The following UBE2L3 variants were observed in gnomAD, a reference collection of about 807,000 sequenced individuals.
UBE2L3 encodes ubiquitin conjugating enzyme E2 L3.
In UBE2L3, 1 loss-of-function variant was observed where a neutral mutation model predicts 17.8. The ratio of observed to expected loss-of-function variants is 0.06; its 90% CI spans 0.02 to 0.27. The LOEUF is 0.27. Among genes scored for constraint, UBE2L3 ranks in the 10% least tolerant of loss-of-function variants. UBE2L3 has a pLI of 1.00. For synonymous variants in UBE2L3, 44 were observed against 68.5 expected (o/e 0.64, Z 1.76); for missense variants, 40 against 192.6 (o/e 0.21, Z 4.69).
upstream of UBE2L3, among the ~76,000 whole-genome samples, chr22:21,563,770 T>C (rs1372796964): frequency 2.6e-5 from 4 of 151,238 alleles, no homozygotes; most frequent in African/African-American, 9.7e-5. Flanking sequence ...AGAGACGGCA[T>C]TTCACTATGT....
At chr22:21,580,190 A>G (rs995104082) in intron 1 of UBE2L3, among the ~76,000 whole-genome samples, 2 of 152,222 alleles carry the variant, frequency 1.3e-5, no homozygotes, top group Non-Finnish European at 2.9e-5. Context: ...TGGCTGAGAT[A>G]GTCAAAAAAG....
At chr22:21,556,003 G>A (rs1296312752) in intron 1 of UBE2L3, among the ~76,000 whole-genome samples, 1 of 152,244 alleles carries the variant, frequency 6.6e-6, no homozygotes, top group Non-Finnish European at 1.5e-5. Context: ...GGGAGGCGGG[G>A]ATGGGTGGAG....
In UBE2L3 at chr22:21,588,463, CTTTTTTTTTTT is replaced by C. The variant is rs1255043408; in HGVS notation, c.28-4386_28-4376del. Among the ~76,000 whole-genome samples, 414 of 103,332 alleles carry C rather than the reference CTTTTTTTTTTT, an allele frequency of 4.0e-3. 4 individuals are homozygous for C. The highest frequency in any genetic ancestry group is 0.016 in the African/African-American group (398 of 25,508). The allele number at this position is 103,332 out of a possible 152,430, so 67.8% of individuals were successfully genotyped here. ...TGAATGATTCCAATTTTTCTTCTTT[CTTTTTTTTTTT>C]TTTTTTTTTTTGAGATAGGGTCTCA... On this transcript the variant is annotated intron_variant, in intron 1 of 3. Coordinates refer to ENST00000342192, the MANE Select transcript of UBE2L3 (RefSeq NM_003347.4).
chr22:21,615,041 GCTAC>G (rs1405427868), intron 3 of UBE2L3, among the ~76,000 whole-genome samples: 65 of 152,242 alleles, frequency 4.3e-4, no homozygotes, highest in African/African-American at 1.5e-3. Flanking sequence ...TGTAATCCCA[GCTAC>G]ATGGGAGGCT....
At chr22:21,595,606 G>A (rs1239574747) in intron 2 of UBE2L3, among the ~76,000 whole-genome samples, 1 of 152,214 alleles carries the variant, frequency 6.6e-6, no homozygotes, top group African/African-American at 2.4e-5. Context: ...GTACTTCCTA[G>A]AGACTTCATT....
chr22:21,578,828 G>A (rs1385462660), intron 1 of UBE2L3, among the ~76,000 whole-genome samples: 1 of 152,072 alleles, frequency 6.6e-6, no homozygotes, highest in African/African-American at 2.4e-5. Context: ...GAAGCACTGT[G>A]CTGTGATAGA....
intron 3 of UBE2L3, among the ~76,000 whole-genome samples, chr22:21,615,863 C>T (rs1267221544): frequency 6.6e-6 from 1 of 152,208 alleles, no homozygotes; most frequent in Non-Finnish European, 1.5e-5. Context: ...AGCAAGTGGG[C>T]TGTCTAATGC....
upstream of UBE2L3, among the ~76,000 whole-genome samples, chr22:21,564,548 G>A (rs1926565418): frequency 6.6e-6 from 1 of 152,184 alleles, no homozygotes; most frequent in South Asian, 2.1e-4. Flanking sequence ...GCACTTTGTA[G>A]CTCAGCGGCT....
At chr22:21,568,287 G>T (rs1273612647) in intron 1 of UBE2L3, 2 of 985,910 alleles carry the variant, frequency 2.0e-6, no homozygotes, top group African/African-American at 3.5e-5. Flanking sequence ...AGGCCAGGCG[G>T]CCAAAGTTAG....
chr22:21,568,224 G>T (rs1926751961), intron 1 of UBE2L3: 1 of 989,044 alleles, frequency 1.0e-6, no homozygotes, highest in African/African-American at 1.7e-5. Flanking sequence ...AGCTCCGCTT[G>T]GCCCGGCCGC....
chr22:21,567,797 C>T (rs761880770), intron 1 of UBE2L3, 26 bp downstream of exon 1: 45 of 1,573,546 alleles, frequency 2.9e-5, no homozygotes, highest in South Asian at 2.5e-4. Context: ...TGGCAGCGGC[C>T]GGGCGTGGGG....
chr22:21,600,667 G>T (rs980833052), intron 2 of UBE2L3, among the ~76,000 whole-genome samples: 1 of 152,162 alleles, frequency 6.6e-6, no homozygotes, highest in Admixed American at 6.5e-5. Context: ...CTGCACTCCA[G>T]CCTGGGCGAC....
At chr22:21,590,855 C>G (rs1928221927) in intron 1 of UBE2L3, among the ~76,000 whole-genome samples, 1 of 152,276 alleles carries the variant, frequency 6.6e-6, no homozygotes, top group South Asian at 2.1e-4. Context: ...TCCCAAAGCC[C>G]CAGCTTCCCA....
chr22:21,574,019 T>C (rs952975356), intron 1 of UBE2L3, among the ~76,000 whole-genome samples: 1 of 151,966 alleles, frequency 6.6e-6, no homozygotes, highest in African/African-American at 2.4e-5. Flanking sequence ...GCCTTTAGGT[T>C]GAGGGGCCAG....
intron 1 of UBE2L3, among the ~76,000 whole-genome samples, chr22:21,576,501 T>C (rs1045250884): frequency 6.6e-6 from 1 of 152,010 alleles, no homozygotes; most frequent in East Asian, 1.9e-4. Context: ...GGTTTCACCA[T>C]GTTAGTCAGG....
At chr22:21,587,380 G>A (rs543315500) in intron 1 of UBE2L3, among the ~76,000 whole-genome samples, 11 of 151,834 alleles carry the variant, frequency 7.2e-5, no homozygotes, top group African/African-American at 2.2e-4. Context: ...TAGTAGAGAC[G>A]GGGTTTCACC....
chr22:21,609,188 C>T (rs1025237562), intron 2 of UBE2L3, among the ~76,000 whole-genome samples: 11 of 152,314 alleles, frequency 7.2e-5, no homozygotes, highest in East Asian at 1.9e-4. Context: ...TGAGCCACCG[C>T]GCCCGGCCGG....
chr22:21,577,011 C>T (rs1305439764), intron 1 of UBE2L3, among the ~76,000 whole-genome samples: 1 of 150,110 alleles, frequency 6.7e-6, no homozygotes, highest in African/African-American at 2.5e-5. Flanking sequence ...CTGTGTTGCC[C>T]AGGCTGGAGT....
upstream of UBE2L3, among the ~76,000 whole-genome samples, chr22:21,566,427 TA>T (rs912970372): frequency 6.6e-6 from 1 of 150,600 alleles, no homozygotes; most frequent in East Asian, 2.0e-4. Context: ...CTACAAAAAA[TA>T]AAAAAAAACT....
Sources: gnomAD v4.1 joint callset for allele counts (sites outside exome capture counted in the v4.1 genomes callset) on GRCh38, gnomAD v4.1.1 for gene constraint, MANE v1.5 for transcripts, NCBI Gene and HGNC (gene_info 2026-07-23, HGNC 2026-07-21) for gene names.